The following RAD50 variants were observed in gnomAD, a reference collection of about 807,000 sequenced individuals.
The protein encoded by RAD50 is RAD50 double strand break repair protein, also known as DNA repair protein RAD50.
In RAD50, 132 loss-of-function variants were observed where a neutral mutation model predicts 168.8. That is an observed-to-expected ratio of 0.78 (90% confidence interval 0.68 to 0.90). The LOEUF (loss-of-function observed/expected upper bound fraction) is 0.90, where lower values mean the gene tolerates loss of function less well. Ranked by LOEUF, RAD50 falls within the 40% of genes least tolerant of loss-of-function variation. RAD50 has a pLI of 0.00. For synonymous variants in RAD50, 525 were observed against 497.4 expected (o/e 1.06, Z -0.74); for missense variants, 1,347 against 1,534.4 (o/e 0.88, Z 2.04).
At position 132,583,750 on chromosome 5, in the gene RAD50, A is replaced by G. The variant is rs534883218; in HGVS notation, c.756+3684A>G. On this transcript the variant is annotated intron_variant, in intron 5 of 24. Coordinates refer to ENST00000378823, the MANE Select transcript of RAD50 (RefSeq NM_005732.4). ...CTCTTATTGCCCAGGCTGGAGTGCA[A>G]TGGCATGATCTCGGCTCACTGCAAC... is the stretch of plus-strand genomic sequence containing the variant. 1.5e-3 allele frequency among the ~76,000 whole-genome samples: 214 copies of G among 146,458 alleles called. 2 individuals are homozygous for G. Among genetic ancestry groups the G allele is most frequent in the African/African-American group, 5.3e-3 (207 of 38,926 alleles).
rs1451295507 is a variant in RAD50, at chr5:132,609,113, A to G, written c.2830-4A>G. 6.2e-7 allele frequency: 1 copy of G among 1,610,510 alleles called. No individual in the cohort carries two copies. The highest frequency in any genetic ancestry group is 2.2e-5 in the East Asian group (1 of 44,748). ...GTGTAAATTTAATGAATATTTTTCT[A>G]CAGCTGAATGATATTAAAGAGAAGG... On this transcript the variant is annotated splice_region_variant and splice_polypyrimidine_tract_variant and intron_variant, in intron 17 of 24. Coordinates refer to ENST00000378823, the MANE Select transcript of RAD50 (RefSeq NM_005732.4).
chr5:132,609,472 C>A, intron 19 of RAD50, 76 bp downstream of exon 19: 2 of 1,567,924 alleles, frequency 1.3e-6, no homozygotes, highest in East Asian at 2.3e-5. Flanking sequence ...ATAGAAGATC[C>A]ATTGAATAGA....
chr5:132,605,494 A>G (rs535031026), intron 16 of RAD50, among the ~76,000 whole-genome samples: 1 of 152,024 alleles, frequency 6.6e-6, no homozygotes, highest in Middle Eastern at 3.2e-3. Context: ...ACAGGCACAC[A>G]CCACCACGCC....
chr5:132,623,375 A>G (rs1751316839), intron 21 of RAD50, among the ~76,000 whole-genome samples: 1 of 152,152 alleles, frequency 6.6e-6, no homozygotes, highest in Non-Finnish European at 1.5e-5. Context: ...CCAGCTACTC[A>G]GGAGGCTGAG....
intron 5 of RAD50, among the ~76,000 whole-genome samples, chr5:132,582,983 C>T (rs916869880): frequency 1.2e-4 from 19 of 152,140 alleles, no homozygotes; most frequent in Admixed American, 1.2e-3. Context: ...GATCCAAGCC[C>T]AGATGATTAT....
chr5:132,627,924 G>A (rs1751397555), intron 21 of RAD50, among the ~76,000 whole-genome samples: 1 of 152,170 alleles, frequency 6.6e-6, no homozygotes, highest in Non-Finnish European at 1.5e-5. Context: ...ATAGACTTGG[G>A]ATTTGTTCTG....
intron 10 of RAD50, 37 bp from the exon 11 acceptor site, chr5:132,591,839 TA>T: frequency 6.7e-7 from 1 of 1,482,460 alleles, no homozygotes; most frequent in East Asian, 2.3e-5. Context: ...TGTGGAGATA[TA>T]GACTTTATTT....
intron 23 of RAD50, 54 bp downstream of exon 23, chr5:132,638,277 A>C: frequency 6.2e-7 from 1 of 1,605,148 alleles, no homozygotes; most frequent in South Asian, 1.1e-5. Context: ...TGAAAGAGAG[A>C]AACAAACATC....
At chr5:132,577,229 T>G (rs1750415848) in intron 3 of RAD50, among the ~76,000 whole-genome samples, 2 of 152,188 alleles carry the variant, frequency 1.3e-5, no homozygotes, top group South Asian at 4.1e-4. Flanking sequence ...CAAGCAATAG[T>G]GGGCAGAGTT....
chr5:132,558,540 A>G (rs951142021), intron 1 of RAD50, among the ~76,000 whole-genome samples: 2 of 151,842 alleles, frequency 1.3e-5, no homozygotes, highest in African/African-American at 4.8e-5. Context: ...GCGAAACCCC[A>G]TCTCTAATAA....
intron 21 of RAD50, among the ~76,000 whole-genome samples, chr5:132,629,833 C>G (rs1751432353): frequency 6.6e-6 from 1 of 152,080 alleles, no homozygotes; most frequent in Non-Finnish European, 1.5e-5. Context: ...CTAAAAACAT[C>G]ACTAAGTATA....
chr5:132,579,293 A>G (rs2149837670), intron 3 of RAD50, 24 bp from the exon 4 acceptor site: 1 of 1,604,284 alleles, frequency 6.2e-7, no homozygotes, highest in Non-Finnish European at 8.5e-7. Context: ...TTTTACATAT[A>G]TTCTTGATTT....
chr5:132,573,822 G>A (rs561707941), intron 2 of RAD50, among the ~76,000 whole-genome samples: 4 of 152,306 alleles, frequency 2.6e-5, no homozygotes, highest in Admixed American at 6.5e-5. Context: ...GTGCAAGTCC[G>A]AAATTCAGTG....
At chr5:132,591,181 C>T (rs2149842051) in intron 9 of RAD50, 43 bp from the exon 10 acceptor site, 1 of 1,539,914 alleles carries the variant, frequency 6.5e-7, no homozygotes, top group Non-Finnish European at 9.0e-7. Flanking sequence ...AATTCTTGCA[C>T]AAAATATATA....
rs1199799880 is a variant in RAD50, at chr5:132,588,792, GAC to G, written c.1158_1159del (p.Pro387IlefsTer3). On this transcript the variant is annotated frameshift_variant, in exon 8 of 25. Coordinates refer to ENST00000378823, the MANE Select transcript of RAD50 (RefSeq NM_005732.4). LOFTEE classifies it high-confidence loss of function. ...CTAGAATTGGATGGCTTTGAGCGTG[GAC>G]CATTCAGTGAAAGACAGATTAAAAA... 6.2e-7 allele frequency: 1 copy of G among 1,613,998 alleles called. No individual in the cohort carries two copies. The highest frequency in any genetic ancestry group is 2.2e-5 in the East Asian group (1 of 44,878).
At chr5:132,576,192 A>G (rs192428289) in intron 3 of RAD50, among the ~76,000 whole-genome samples, 2 of 152,292 alleles carry the variant, frequency 1.3e-5, no homozygotes, top group African/African-American at 4.8e-5. Context: ...TTGTCAGTTA[A>G]ATAGAATGAT....
chr5:132,579,811 T>G, intron 4 of RAD50, 51 bp from the exon 5 acceptor site: 1 of 1,421,180 alleles, frequency 7.0e-7, no homozygotes, highest in Non-Finnish European at 9.9e-7. Context: ...TATGAATATA[T>G]ACCATAATTT....
chr5:132,557,028 G>A lies in RAD50; in HGVS notation c.-297G>A, dbSNP rs1561626553. The A allele has an allele frequency of 1.5e-6, 1 of 680,334 alleles. No individual in the cohort carries two copies. Among genetic ancestry groups the A allele is most frequent in the Non-Finnish European group, 2.3e-6 (1 of 440,226 alleles). 42.1% of individuals were successfully genotyped at this position (680,334 alleles called of 1,614,324 possible). On this transcript the variant is annotated 5_prime_UTR_variant, in exon 1 of 25. Transcript: ENST00000378823. The stretch of plus-strand genomic sequence containing the variant: ...GGAAGCTGTGAGTGCGCGGTTGCGG[G>A]GTCGCATTGTGGCTACGGCTTTGCG...
chr5:132,580,483 C>G (rs1325505044), intron 5 of RAD50, among the ~76,000 whole-genome samples: 1 of 152,092 alleles, frequency 6.6e-6, no homozygotes, highest in African/African-American at 2.4e-5. Context: ...GTATAGATCA[C>G]TAGGTGTTAA....
Sources: allele counts gnomAD v4.1 joint callset (sites outside exome capture counted in the v4.1 genomes callset), GRCh38; gene constraint gnomAD v4.1.1; transcripts MANE v1.5; gene names NCBI Gene and HGNC (gene_info 2026-07-23, HGNC 2026-07-21).